PPP6R2: variants seen among roughly 807,000 people sequenced by gnomAD.
PPP6R2 encodes serine/threonine-protein phosphatase 6 regulatory subunit 2.
In PPP6R2, 62 loss-of-function variants were observed where a neutral mutation model predicts 100.2. The ratio of observed to expected loss-of-function variants is 0.62; its 90% CI spans 0.50 to 0.76. The LOEUF (loss-of-function observed/expected upper bound fraction) is 0.76. Ranked by LOEUF, PPP6R2 falls within the 30% of genes least tolerant of loss-of-function variation. The pLI is 0.00. For synonymous variants in PPP6R2, 525 were observed against 514.7 expected (o/e 1.02, Z -0.27); for missense variants, 1,142 against 1,276.3 (o/e 0.89, Z 1.60).
chr22:50,445,032 C>G lies in PPP6R2; in HGVS notation c.*785C>G, dbSNP rs181964772. 5 of 152,790 alleles carry G rather than the reference C, an allele frequency of 3.3e-5. No homozygotes were observed. The East Asian group carries it at 9.6e-4, about 29-fold the overall frequency. The allele number at this position is 152,790 out of a possible 1,614,324, so 9.5% of individuals were successfully genotyped here. On this transcript the variant is annotated 3_prime_UTR_variant, in exon 24 of 24. Coordinates refer to ENST00000612753, the MANE Select transcript of PPP6R2 (RefSeq NM_001242898.2). ...TTGAGTCCATTTTTAATGTTCTGAT[C>G]ACCTGACAGGGCACCCCAAACCCCC...
chr22:50,437,441 TC>T, intron 15 of PPP6R2, 64 bp from the exon 16 acceptor site: 1 of 1,182,546 alleles, frequency 8.5e-7, no homozygotes, highest in Non-Finnish European at 1.2e-6. Context: ...AAGAGCAGCC[TC>T]CAGGCCTGAT....
intron 4 of PPP6R2, among the ~76,000 whole-genome samples, chr22:50,413,627 T>C (rs919864696): frequency 2.6e-5 from 4 of 152,316 alleles, no homozygotes; most frequent in Middle Eastern, 3.4e-3. Context: ...TCTAGAAGTT[T>C]AATCATCCTT....
the PPP6R2 span, among the ~76,000 whole-genome samples, chr22:50,338,206 G>A: frequency 3.1e-4 from 42 of 136,024 alleles, no homozygotes; most frequent in East Asian, 7.7e-3. Context: ...AGTGTGTGTC[G>A]GGGGTGTGTG....
intron 10 of PPP6R2, among the ~76,000 whole-genome samples, chr22:50,428,327 T>G (rs1297879658): frequency 6.6e-6 from 1 of 152,252 alleles, no homozygotes; most frequent in Non-Finnish European, 1.5e-5. Flanking sequence ...CAGCTGCTTT[T>G]TTGTGTGTCA....
intron 1 of PPP6R2, among the ~76,000 whole-genome samples, chr22:50,348,700 G>A (rs2044303415): frequency 6.6e-6 from 1 of 152,104 alleles, no homozygotes; most frequent in African/African-American, 2.4e-5. Context: ...GGAACCCAGA[G>A]GAGAGGCCAA....
intron 1 of PPP6R2, among the ~76,000 whole-genome samples, chr22:50,350,432 T>C (rs1230141391): frequency 1.3e-5 from 2 of 150,814 alleles, no homozygotes; most frequent in Admixed American, 1.3e-4. Flanking sequence ...GATTTCACCA[T>C]GTTGGCCAGG....
At position 50,438,295 on chromosome 22, in the gene PPP6R2, C is replaced by A; in HGVS notation, c.1961C>A (p.Pro654His). 6.2e-7 allele frequency: 1 copy of A among 1,611,246 alleles called. No individual in the cohort carries two copies. The highest frequency in any genetic ancestry group is 8.5e-7 in the Non-Finnish European group (1 of 1,178,772). The change falls in exon 18 of 24, where the codon CCC becomes CAC. Residue 654 changes from proline to histidine, a missense_variant. This residue lies in a region of PPP6R2 where 550 missense variants were observed against 517.4 expected (regional missense o/e 1.06). Transcript: ENST00000612753. The stretch of plus-strand genomic sequence containing the variant: ...TGTGCTGCCCGGGTGATGGCCAGAC[C>A]CAGGTGCGGGGCCTGCCCATCCCCA... ...TRCAARVMARPRFGAPHASES... is the reference protein window; with the variant it reads ...TRCAARVMARHRFGAPHASES...
At chr22:50,405,747 C>G (rs1242058299) in intron 3 of PPP6R2, among the ~76,000 whole-genome samples, 2 of 117,134 alleles carry the variant, frequency 1.7e-5, no homozygotes, top group African/African-American at 6.8e-5. Flanking sequence ...AGAGGCCTGG[C>G]AGGTGAGTGT....
chr22:50,348,514 A>C (rs1204755435), intron 1 of PPP6R2, among the ~76,000 whole-genome samples: 2 of 152,102 alleles, frequency 1.3e-5, no homozygotes, highest in African/African-American at 4.8e-5. Context: ...TGATGGAACA[A>C]ATGGGTGGAT....
intron 1 of PPP6R2, among the ~76,000 whole-genome samples, chr22:50,353,961 C>G (rs1342978096): frequency 6.6e-6 from 1 of 151,918 alleles, no homozygotes; most frequent in African/African-American, 2.4e-5. Context: ...GATTATGTAT[C>G]AGGCATTTGT....
intron 3 of PPP6R2, 57 bp from the exon 4 acceptor site, chr22:50,406,632 T>C: frequency 6.6e-7 from 1 of 1,511,360 alleles, no homozygotes; most frequent in Non-Finnish European, 9.1e-7. Flanking sequence ...GTAAGCAGCT[T>C]CCTAAGAGTT....
rs545294530 is a variant in PPP6R2 at position 50,431,010 on chromosome 22, G to A, written c.1126-163G>A. Among the ~76,000 whole-genome samples the A allele has an allele frequency of 4.6e-5, 7 of 152,252 alleles. No individual in the cohort carries two copies. In the South Asian group the frequency reaches 1.2e-3, roughly 27 times the overall value. On this transcript the variant is annotated intron_variant, in intron 10 of 23. Transcript: ENST00000612753. This position sits in a 1 kb window ranked among gnomAD's most constrained non-coding sequence, Gnocchi z 4.8. ...ATTTGAAGAAGCTCCGTAATAGAGA[G>A]ATGACCCTCAGGAAAACGCTTAAAA...
upstream of PPP6R2, among the ~76,000 whole-genome samples, chr22:50,340,100 G>A (rs368177450): frequency 6.3e-3 from 891 of 142,356 alleles, 14 homozygotes; most frequent in East Asian, 0.036. Context: ...TATGTAGTAT[G>A]TGTGGTATGT....
intron 2 of PPP6R2, among the ~76,000 whole-genome samples, chr22:50,373,512 G>A (rs1276669628): frequency 6.6e-6 from 1 of 151,322 alleles, no homozygotes; most frequent in African/African-American, 2.4e-5. Context: ...CAAAGTGCTG[G>A]GATTACAGGC....
intron 10 of PPP6R2, among the ~76,000 whole-genome samples, chr22:50,428,375 G>T (rs1287658218): frequency 6.6e-6 from 1 of 152,034 alleles, no homozygotes; most frequent in Non-Finnish European, 1.5e-5. Context: ...TCATTTATTA[G>T]CTCTAGCAAT....
chr22:50,405,770 A>G (rs1603260822), intron 3 of PPP6R2, among the ~76,000 whole-genome samples: 5 of 119,850 alleles, frequency 4.2e-5, no homozygotes, highest in East Asian at 2.7e-4. Flanking sequence ...AGGCCTGGAG[A>G]GAGGTGAGAG....
intron 5 of PPP6R2, among the ~76,000 whole-genome samples, chr22:50,415,040 G>A (rs1259345183): frequency 6.6e-6 from 1 of 152,236 alleles, no homozygotes; most frequent in Non-Finnish European, 1.5e-5. Context: ...TGCTAGCCCT[G>A]CGTCCAGGCC....
At chr22:50,401,311 A>G (rs1283301767) in intron 3 of PPP6R2, among the ~76,000 whole-genome samples, 1 of 146,724 alleles carries the variant, frequency 6.8e-6, no homozygotes, top group Non-Finnish European at 1.5e-5. Flanking sequence ...GGTTCACGCC[A>G]TTCTCCTGCC....
intron 1 of PPP6R2, among the ~76,000 whole-genome samples, chr22:50,351,630 T>C (rs2045287887): frequency 6.6e-6 from 1 of 152,024 alleles, no homozygotes; most frequent in East Asian, 1.9e-4. Context: ...CTGTTTTGTT[T>C]TTGTTTTTTG....
Sources: allele counts gnomAD v4.1 joint callset (sites outside exome capture counted in the v4.1 genomes callset), GRCh38; gene constraint gnomAD v4.1.1; regional missense constraint gnomAD v4.1.1; non-coding constraint Gnocchi (gnomAD v3.1); transcripts MANE v1.5; gene names NCBI Gene and HGNC (gene_info 2026-07-23, HGNC 2026-07-21).